Variants in MGAT4C observed in about 807,000 individuals in gnomAD.
The protein encoded by MGAT4C is MGAT4 family member C.
In MGAT4C, 19 loss-of-function variants were observed where a neutral mutation model predicts 40.1. That is an observed-to-expected ratio of 0.47 (90% CI 0.33 to 0.70). The LOEUF (loss-of-function observed/expected upper bound fraction) is 0.70, where lower values mean the gene tolerates loss of function less well. Ranked by LOEUF, MGAT4C falls within the 30% of genes least tolerant of loss-of-function variation. The pLI is 0.02. For missense variants in MGAT4C, 491 were observed against 563.2 expected (o/e 0.87, Z 1.30); for synonymous variants, 181 against 187.1 (o/e 0.97, Z 0.27).
intron 1 of MGAT4C, among the ~76,000 whole-genome samples, chr12:86,229,727 A>C (rs1951238019): frequency 6.6e-6 from 1 of 152,028 alleles, no homozygotes; most frequent in African/African-American, 2.4e-5. Context: ...AAATGGAATA[A>C]ACTTCTGTCA....
intron 1 of MGAT4C, among the ~76,000 whole-genome samples, chr12:86,733,504 T>C (rs574636382): frequency 6.6e-6 from 1 of 152,028 alleles, no homozygotes; most frequent in Non-Finnish European, 1.5e-5. Context: ...TCTGTGATTG[T>C]GATAAGAAGA....
At chr12:86,066,240 C>G (rs1332888253) in intron 1 of MGAT4C, among the ~76,000 whole-genome samples, 11 of 152,118 alleles carry the variant, frequency 7.2e-5, no homozygotes, top group South Asian at 2.1e-4. Context: ...AAAAAAGAGC[C>G]CACATAGCCA....
chr12:86,443,625 G>A (rs554164946), intron 2 of MGAT4C, among the ~76,000 whole-genome samples: 2 of 152,200 alleles, frequency 1.3e-5, no homozygotes, highest in South Asian at 2.1e-4. Context: ...ACGGAGTCTC[G>A]CTGTGTCACC....
At chr12:86,789,327 C>T (rs1157734187) in intron 1 of MGAT4C, among the ~76,000 whole-genome samples, 2 of 152,048 alleles carry the variant, frequency 1.3e-5, no homozygotes, top group African/African-American at 2.4e-5. Flanking sequence ...TTTAATCACA[C>T]AAGAACAGCA....
At chr12:86,774,216 G>A (rs1026071976) in intron 1 of MGAT4C, among the ~76,000 whole-genome samples, 3 of 151,810 alleles carry the variant, frequency 2.0e-5, no homozygotes, top group Admixed American at 6.6e-5. Flanking sequence ...GCCTCCTAAA[G>A]TGCTGGGATT....
intron 1 of MGAT4C, among the ~76,000 whole-genome samples, chr12:86,111,050 T>C (rs1877299721): frequency 6.6e-6 from 1 of 151,822 alleles, no homozygotes; most frequent in Admixed American, 6.6e-5. Context: ...TAACAAATAC[T>C]AATTTATTTT....
intron 1 of MGAT4C, among the ~76,000 whole-genome samples, chr12:86,133,037 G>A (rs895639479): frequency 1.3e-5 from 2 of 152,128 alleles, no homozygotes; most frequent in African/African-American, 2.4e-5. Flanking sequence ...AGAAACATCT[G>A]CTAAGTATTT....
intron 2 of MGAT4C, among the ~76,000 whole-genome samples, chr12:86,619,668 CT>C (rs1816085609): frequency 6.6e-6 from 1 of 151,744 alleles, no homozygotes; most frequent in African/African-American, 2.4e-5. Flanking sequence ...CTTTTTTGGC[CT>C]TTTTTTATAC....
intron 2 of MGAT4C, among the ~76,000 whole-genome samples, chr12:86,520,866 T>C (rs1336101174): frequency 6.6e-6 from 1 of 152,160 alleles, no homozygotes; most frequent in Non-Finnish European, 1.5e-5. Flanking sequence ...GTTTGCTTCA[T>C]GTATGTCTTT....
intron 3 of MGAT4C, among the ~76,000 whole-genome samples, chr12:86,424,421 C>A (rs1392219408): frequency 2.0e-5 from 3 of 152,082 alleles, no homozygotes; most frequent in Non-Finnish European, 4.4e-5. Flanking sequence ...AAATTTCTTA[C>A]CTTTCTTTTG....
intron 2 of MGAT4C, among the ~76,000 whole-genome samples, chr12:86,550,525 G>T (rs1413993454): frequency 6.6e-6 from 1 of 152,192 alleles, no homozygotes; most frequent in Non-Finnish European, 1.5e-5. Context: ...GCCACCTCTG[G>T]AGTGTGCCCT....
At chr12:86,811,300 T>G (rs979727797) in intron 1 of MGAT4C, among the ~76,000 whole-genome samples, 4 of 150,984 alleles carry the variant, frequency 2.6e-5, no homozygotes, top group Admixed American at 2.0e-4. Flanking sequence ...ACAGTTCCAT[T>G]TTTTTCTAAT....
At chr12:86,078,415 A>G (rs758186999) in intron 1 of MGAT4C, among the ~76,000 whole-genome samples, 6 of 152,196 alleles carry the variant, frequency 3.9e-5, no homozygotes, top group Admixed American at 2.0e-4. Context: ...GATGGTGGAT[A>G]AGGCATTCTG....
intron 2 of MGAT4C, among the ~76,000 whole-genome samples, chr12:86,472,959 G>T (rs985723775): frequency 1.3e-5 from 2 of 151,926 alleles, no homozygotes; most frequent in South Asian, 4.1e-4. Context: ...ATTTATTTAC[G>T]TATTTATTTA....
intron 3 of MGAT4C, among the ~76,000 whole-genome samples, chr12:86,424,624 G>A (rs1956891025): frequency 6.6e-6 from 1 of 152,030 alleles, no homozygotes; most frequent in African/African-American, 2.4e-5. Flanking sequence ...GGATGGCTGG[G>A]CAGCATGAAT....
At chr12:86,707,838 A>G (rs932090799) in intron 2 of MGAT4C, among the ~76,000 whole-genome samples, 7 of 152,168 alleles carry the variant, frequency 4.6e-5, no homozygotes, top group African/African-American at 1.7e-4. Context: ...ACTTGGCAGG[A>G]GAAGTTTTTA....
chr12:86,421,968 A>C (rs754322956), intron 3 of MGAT4C, among the ~76,000 whole-genome samples: 1 of 152,220 alleles, frequency 6.6e-6, no homozygotes, highest in Non-Finnish European at 1.5e-5. Flanking sequence ...CAATTACTTA[A>C]ATGTATGACA....
chr12:86,202,424 C>T (rs975594285), intron 1 of MGAT4C, among the ~76,000 whole-genome samples: 6 of 151,944 alleles, frequency 3.9e-5, no homozygotes, highest in African/African-American at 1.4e-4. Context: ...ATCCTGCATT[C>T]AATAGATAAC....
At chr12:86,053,382 T>C (rs949267706) in intron 1 of MGAT4C, among the ~76,000 whole-genome samples, 1 of 151,896 alleles carries the variant, frequency 6.6e-6, no homozygotes, top group African/African-American at 2.4e-5. Context: ...GAATTTTGTG[T>C]AGGCTCATCT....
Sources: allele counts gnomAD v4.1 joint callset (sites outside exome capture counted in the v4.1 genomes callset), GRCh38; gene constraint gnomAD v4.1.1; transcripts MANE v1.5; gene names NCBI Gene and HGNC (gene_info 2026-07-23, HGNC 2026-07-21).